Variants in SUDS3 observed in about 807,000 individuals in gnomAD.
The protein encoded by SUDS3 is SIN3A corepressor complex component SDS3.
In SUDS3, 23 loss-of-function variants were observed where a neutral mutation model predicts 53.5. The ratio of observed to expected loss-of-function variants is 0.43; its 90% CI spans 0.31 to 0.61. The LOEUF is 0.61. SUDS3 is among the 20% of genes least tolerant of loss of function. The pLI is 0.10. For synonymous variants in SUDS3, 150 were observed against 148.5 expected (o/e 1.01, Z -0.08); for missense variants, 291 against 405.9 (o/e 0.72, Z 2.43).
In SUDS3 at chr12:118,402,019, T is replaced by G; in HGVS notation, c.697+15T>G. 1 of 1,613,888 alleles carries G rather than the reference T, an allele frequency of 6.2e-7. No individual in the cohort carries two copies. Among genetic ancestry groups the G allele is most frequent in the Non-Finnish European group, 8.5e-7 (1 of 1,179,810 alleles). ...CAAGAGACCAGGTGAGTGCATGATG[T>G]GTTGGCATTTGTGCAACCTTTTTAT... is the stretch of plus-strand genomic sequence containing the variant. On this transcript the variant is annotated intron_variant, in intron 9 of 11. Coordinates refer to ENST00000543473, the MANE Select transcript of SUDS3 (RefSeq NM_022491.3).
At chr12:118,382,001 G>T (rs7968011) in intron 2 of SUDS3, among the ~76,000 whole-genome samples, 1 of 151,684 alleles carries the variant, frequency 6.6e-6, no homozygotes, top group African/African-American at 2.4e-5. Flanking sequence ...ACTCAAAGGG[G>T]TAATTCAGCT....
At chr12:118,380,995 G>A (rs949413479) in intron 2 of SUDS3, among the ~76,000 whole-genome samples, 13 of 152,110 alleles carry the variant, frequency 8.5e-5, no homozygotes, top group South Asian at 2.1e-4. Context: ...GAGCCACTGC[G>A]CCCGGACCTT....
At chr12:118,382,817 A>G (rs981135071) in intron 2 of SUDS3, among the ~76,000 whole-genome samples, 7 of 142,058 alleles carry the variant, frequency 4.9e-5, no homozygotes, top group Non-Finnish European at 4.5e-5. Context: ...ACAGGCGCCC[A>G]CCACCACGTC....
chr12:118,407,640 A>G lies in SUDS3; in HGVS notation c.804-3433A>G, dbSNP rs919508831. Among the ~76,000 whole-genome samples the G allele has an allele frequency of 2.0e-5, 3 of 152,130 alleles. No individual in the cohort carries two copies. In the East Asian group the frequency reaches 5.8e-4, roughly 29 times the overall value. On this transcript the variant is annotated intron_variant, in intron 10 of 11. Coordinates refer to ENST00000543473, the MANE Select transcript of SUDS3 (RefSeq NM_022491.3). Reference sequence around the variant, plus strand: ...GAGAATTGTTGGAATAGCCTTCCAGAGTCAGCTGTTTTCTTTAAAAGACCT... The same window carrying G: ...GAGAATTGTTGGAATAGCCTTCCAGGGTCAGCTGTTTTCTTTAAAAGACCT...
At position 118,399,417 on chromosome 12, in the gene SUDS3, G is replaced by T. The variant is rs894838049; in HGVS notation, c.518-1242G>T. Reference sequence around the variant, plus strand: ...CTTGGGAGGCTGAGGCATGAGACTCGTTTGAACCGGGGAGGCAGAGGTTGC... The same window carrying T: ...CTTGGGAGGCTGAGGCATGAGACTCTTTTGAACCGGGGAGGCAGAGGTTGC... On this transcript the variant is annotated intron_variant, in intron 6 of 11. Transcript: ENST00000543473. 7.9e-5 allele frequency among the ~76,000 whole-genome samples: 12 copies of T among 152,292 alleles called. No individual in the cohort carries two copies. In the South Asian group the frequency reaches 2.5e-3, roughly 32 times the overall value.
At chr12:118,404,275 T>C (rs754092293) in intron 10 of SUDS3, 3 of 152,330 alleles carry the variant, frequency 2.0e-5, no homozygotes, top group Non-Finnish European at 4.4e-5. Flanking sequence ...CATGCCCAGC[T>C]AGTTTTTGTA....
intron 7 of SUDS3, among the ~76,000 whole-genome samples, chr12:118,401,500 T>G (rs1232537163): frequency 6.6e-6 from 1 of 152,200 alleles, no homozygotes; most frequent in African/African-American, 2.4e-5. Flanking sequence ...ACTGTTTCCT[T>G]TGCTGTGTTA....
chr12:118,390,942 A>G, intron 5 of SUDS3, 184 bp from the exon 6 acceptor site: 1 of 731,396 alleles, frequency 1.4e-6, no homozygotes. Context: ...AAAATAAGCA[A>G]AAGTCACGTG....
chr12:118,383,734 C>T (rs965177617), intron 2 of SUDS3, among the ~76,000 whole-genome samples: 2 of 152,156 alleles, frequency 1.3e-5, no homozygotes, highest in Admixed American at 1.3e-4. Context: ...AATCTGCTAT[C>T]GTTGCAAGTT....
chr12:118,376,966 G>A, intron 1 of SUDS3, 133 bp downstream of exon 1: 3 of 1,212,798 alleles, frequency 2.5e-6, no homozygotes, highest in South Asian at 1.9e-5. Context: ...GGGAGTTGCG[G>A]GGCTCGGGGA....
intron 1 of SUDS3, among the ~76,000 whole-genome samples, chr12:118,377,085 C>T (rs1284791701): frequency 1.3e-5 from 2 of 152,048 alleles, no homozygotes; most frequent in Non-Finnish European, 1.5e-5. Context: ...CCCTTTAAGA[C>T]CCCGTCCTCC....
rs1165058898 is a variant in SUDS3, at chr12:118,383,994, A to AT, written c.213-18_213-17insT. 2 of 1,504,496 alleles carry AT rather than the reference A, an allele frequency of 1.3e-6. No individual in the cohort carries two copies. Among genetic ancestry groups the AT allele is most frequent in the Middle Eastern group, 1.8e-4 (1 of 5,694 alleles). 93.2% of individuals were successfully genotyped at this position (1,504,496 alleles called of 1,614,324 possible). On this transcript the variant is annotated splice_polypyrimidine_tract_variant and intron_variant, in intron 2 of 11. Coordinates refer to ENST00000543473, the MANE Select transcript of SUDS3 (RefSeq NM_022491.3). ...TTGAATGTTTTTATCTGTTAGTGTG[A>AT]CTTTTTTTTTTTTATAGGATGTATC...
chr12:118,393,810 A>C (rs1305899938), intron 6 of SUDS3, among the ~76,000 whole-genome samples: 1 of 151,864 alleles, frequency 6.6e-6, no homozygotes, highest in Non-Finnish European at 1.5e-5. Flanking sequence ...AGGTGGGATT[A>C]CAGGCATGCA....
At chr12:118,387,210 C>G (rs1845970830) in intron 4 of SUDS3, among the ~76,000 whole-genome samples, 1 of 152,120 alleles carries the variant, frequency 6.6e-6, no homozygotes, top group South Asian at 2.1e-4. Context: ...CCTGCTGTTA[C>G]CCCCTTTCTA....
Position 118,417,522 on chromosome 12 carries a change from G to C in SUDS3, c.*3089G>C, listed in dbSNP as rs2046411624. 1 of 151,146 alleles carries C rather than the reference G, an allele frequency of 6.6e-6. No individual in the cohort carries two copies. Among genetic ancestry groups the C allele is most frequent in the Non-Finnish European group, 1.5e-5 (1 of 67,846 alleles). The allele number at this position is 151,146 out of a possible 1,614,324, so 9.4% of individuals were successfully genotyped here. A position where few individuals can be genotyped will look rare whatever the true frequency, so the allele number is the denominator to read the frequency against. On this transcript the variant is annotated 3_prime_UTR_variant, in exon 12 of 12. Transcript: ENST00000543473. ...GGAATTTGAAATCTCGGTGCTTACT[G>C]TTACACCAATTTGTCCAAAGAGTTG...
At chr12:118,410,555 CTTTA>C (rs767637189) in intron 10 of SUDS3, among the ~76,000 whole-genome samples, 30 of 148,976 alleles carry the variant, frequency 2.0e-4, no homozygotes, top group African/African-American at 5.2e-4. Context: ...GGATGGAAGC[CTTTA>C]TTTATTTATT....
chr12:118,384,561 G>A (rs993319224), intron 3 of SUDS3, among the ~76,000 whole-genome samples: 4 of 152,176 alleles, frequency 2.6e-5, no homozygotes, highest in African/African-American at 4.8e-5. Flanking sequence ...GGCCAGGCGC[G>A]GTGGCTCACA....
Position 118,416,614 on chromosome 12 carries a change from A to G in SUDS3, c.*2181A>G, listed in dbSNP as rs542974569. On this transcript the variant is annotated 3_prime_UTR_variant, in exon 12 of 12. Transcript: ENST00000543473. ...TTTGAGAATCAGCATAGTAAATTAC[A>G]TTTCTAATCCCAGAGGACTTAATAT... The G allele has an allele frequency of 6.6e-6, 1 of 152,300 alleles. No individual in the cohort carries two copies. The highest frequency in any genetic ancestry group is 2.1e-4 in the South Asian group (1 of 4,830). 9.4% of individuals were successfully genotyped at this position (152,300 alleles called of 1,614,324 possible).
rs1005888735 is a variant in SUDS3 at position 118,415,616 on chromosome 12, G to C, written c.*1183G>C. 1 of 152,068 alleles carries C rather than the reference G, an allele frequency of 6.6e-6. No homozygotes were observed. Among genetic ancestry groups the C allele is most frequent in the Non-Finnish European group, 1.5e-5 (1 of 68,026 alleles). The allele number at this position is 152,068 out of a possible 1,614,324, so 9.4% of individuals were successfully genotyped here. On this transcript the variant is annotated 3_prime_UTR_variant, in exon 12 of 12. Transcript: ENST00000543473. ...TGTTGGGGTTTTCTATACTCATGTTGCCATCTTGAGATGTTCAAAAAATTT... is the reference window on the plus strand; with the variant it reads ...TGTTGGGGTTTTCTATACTCATGTTCCCATCTTGAGATGTTCAAAAAATTT...
Sources: allele counts gnomAD v4.1 joint callset (sites outside exome capture counted in the v4.1 genomes callset), GRCh38; gene constraint gnomAD v4.1.1; transcripts MANE v1.5; gene names NCBI Gene and HGNC (gene_info 2026-07-23, HGNC 2026-07-21).